The following LPCAT3 variants were observed in gnomAD, a reference collection of about 807,000 sequenced individuals.
LPCAT3 encodes the protein lysophospholipid acyltransferase 5.
A neutral mutation model predicts 63.4 loss-of-function variants in LPCAT3; 21 were observed. The observed-to-expected ratio is 0.33, with a 90% CI of 0.23 to 0.48. The LOEUF (loss-of-function observed/expected upper bound fraction) is 0.48, where lower values mean the gene tolerates loss of function less well. LPCAT3 is among the 20% of genes least tolerant of loss of function. The pLI is 0.99. For synonymous variants in LPCAT3, 242 were observed against 227.5 expected, an observed-to-expected ratio of 1.06 and a Z score of -0.58; for missense variants, 451 against 590.6, an observed-to-expected ratio of 0.76 and a Z score of 2.45.
intron 1 of LPCAT3, among the ~76,000 whole-genome samples, chr12:7,011,673 G>GA (rs1174169065): frequency 1.4e-5 from 2 of 143,244 alleles, no homozygotes; most frequent in African/African-American, 2.6e-5. Context: ...AAAAAAGAAA[G>GA]AAAGAAAAAG....
intron 3 of LPCAT3, 93 bp downstream of exon 3, chr12:6,982,583 G>T: frequency 2.2e-6 from 2 of 895,300 alleles, no homozygotes; most frequent in Non-Finnish European, 3.6e-6. Flanking sequence ...TAGAAATTAG[G>T]TCTGCTAATT....
In LPCAT3 at chr12:7,001,273, C is replaced by T. The variant is rs1044086759; in HGVS notation, c.151+17001G>A. 2.0e-5 allele frequency among the ~76,000 whole-genome samples: 3 copies of T among 152,050 alleles called. No homozygotes were observed. The East Asian group carries it at 5.8e-4, about 29-fold the overall frequency. On this transcript the variant is annotated intron_variant, in intron 1 of 12. Transcript: ENST00000261407. ...GGTGGGGGCGGGAGCTAGCAACGTG[C>T]TCACATGGTCATATATTTTTGTAAA...
chr12:6,992,922 T>C (rs924325323), intron 1 of LPCAT3, among the ~76,000 whole-genome samples: 5 of 152,226 alleles, frequency 3.3e-5, no homozygotes, highest in African/African-American at 1.2e-4. Context: ...TTACTCATAA[T>C]ACCTAATATA....
At chr12:6,983,592 G>T in intron 1 of LPCAT3, 53 bp from the exon 2 acceptor site, 1 of 1,204,702 alleles carries the variant, frequency 8.3e-7, no homozygotes, top group Non-Finnish European at 1.2e-6. Flanking sequence ...TGCCATCCCA[G>T]TTTGGTTTGG....
At chr12:6,996,850 A>G (rs1946639914) in intron 1 of LPCAT3, among the ~76,000 whole-genome samples, 1 of 152,220 alleles carries the variant, frequency 6.6e-6, no homozygotes. Context: ...AGAAGAGATG[A>G]CGGCATTCCA....
rs1555153470 is a variant in LPCAT3, at chr12:6,977,608, A to G, written c.1178T>C (p.Val393Ala). 1.9e-6 allele frequency: 3 copies of G among 1,614,152 alleles called. No homozygotes were observed. Among genetic ancestry groups the G allele is most frequent in the South Asian group, 2.2e-5 (2 of 91,078 alleles). ...CFQMEFLIVI[V>A]ERQAARLIQE... is the part of the protein sequence containing the mutation. ...ACCCTGGAGGCCTACCTGTCTTTCC[A>G]CAATAACAATGAGGAATTCCATCTG... The change falls in exon 10 of 13, where the codon GTG becomes GCG. Residue 393 changes from valine to alanine, a missense_variant. Val to Ala is a moderately conservative substitution (Grantham distance 64). Coordinates refer to ENST00000261407, the MANE Select transcript of LPCAT3 (RefSeq NM_005768.6). This position sits in a 1 kb window ranked among gnomAD's most constrained non-coding sequence, Gnocchi z 4.5.
At chr12:7,013,663 A>C (rs910016775) in intron 1 of LPCAT3, among the ~76,000 whole-genome samples, 1 of 152,154 alleles carries the variant, frequency 6.6e-6, no homozygotes, top group Non-Finnish European at 1.5e-5. Context: ...TACCTTTCAA[A>C]AGGTTCCGGT....
At chr12:7,014,100 T>A (rs1042952017) in intron 1 of LPCAT3, among the ~76,000 whole-genome samples, 4 of 152,240 alleles carry the variant, frequency 2.6e-5, no homozygotes, top group Admixed American at 6.5e-5. Context: ...ACCTTACTCA[T>A]CTTTAAATGA....
chr12:6,980,553 T>C (rs1244442123), intron 6 of LPCAT3, among the ~76,000 whole-genome samples: 1 of 151,016 alleles, frequency 6.6e-6, no homozygotes, highest in Non-Finnish European at 1.5e-5. Flanking sequence ...ACAGAGTCTC[T>C]CTATGTTGCC....
intron 2 of LPCAT3, 129 bp downstream of exon 2, chr12:6,983,303 C>T: frequency 1.5e-6 from 1 of 673,840 alleles, no homozygotes; most frequent in Non-Finnish European, 2.7e-6. Context: ...CCTCTTCATA[C>T]AACCCTCTTT....
At chr12:7,004,279 G>C (rs1555156733) in intron 1 of LPCAT3, among the ~76,000 whole-genome samples, 6 of 152,102 alleles carry the variant, frequency 3.9e-5, no homozygotes, top group Non-Finnish European at 8.8e-5. Flanking sequence ...AACAACAGCG[G>C]GTTACTCTCA....
Position 6,977,040 on chromosome 12 carries a change from A to G in LPCAT3, c.*12+94T>C. On this transcript the variant is annotated intron_variant, in intron 12 of 12. Coordinates refer to ENST00000261407, the MANE Select transcript of LPCAT3 (RefSeq NM_005768.6). This position sits in a 1 kb window ranked among gnomAD's most constrained non-coding sequence, Gnocchi z 4.5. ...CTTAGTAGCCAGGCTAATCCTTGGA[A>G]TTCACCCCAGATTTCTAATACTATT... 1.2e-6 allele frequency: 1 copy of G among 812,602 alleles called. No individual in the cohort carries two copies. The highest frequency in any genetic ancestry group is 2.1e-6 in the Non-Finnish European group (1 of 479,568). 50.3% of individuals were successfully genotyped at this position (812,602 alleles called of 1,614,324 possible).
chr12:6,987,942 C>A lies in LPCAT3; in HGVS notation c.152-4403G>T. On this transcript the variant is annotated intron_variant, in intron 1 of 12. Coordinates refer to ENST00000261407, the MANE Select transcript of LPCAT3 (RefSeq NM_005768.6). The surrounding 1 kb of genome is among the most constrained non-coding windows in gnomAD (Gnocchi z 4.1). ...CCTGTCTGTCCCTTTCCTTGCTACT[C>A]TGGGATCAACAGTCACCTCTTGAAC... The A allele has an allele frequency of 2.5e-6, 1 of 398,954 alleles. No homozygotes were observed. The highest frequency in any genetic ancestry group is 4.4e-6 in the Non-Finnish European group (1 of 225,418). The allele number at this position is 398,954 out of a possible 1,614,324, so 24.7% of individuals were successfully genotyped here.
intron 5 of LPCAT3, 172 bp downstream of exon 5, chr12:6,981,423 G>A: frequency 2.6e-6 from 2 of 759,870 alleles, no homozygotes; most frequent in Non-Finnish European, 4.5e-6. Flanking sequence ...GCTGGATCCT[G>A]GGCAAATTAG....
Position 7,009,314 on chromosome 12 carries a change from G to T in LPCAT3, c.151+8960C>A, listed in dbSNP as rs2138359664. Among the ~76,000 whole-genome samples, 4 of 152,312 alleles carry T rather than the reference G, an allele frequency of 2.6e-5. No individual in the cohort carries two copies. The East Asian group carries it at 7.7e-4, about 29-fold the overall frequency. On this transcript the variant is annotated intron_variant, in intron 1 of 12. Coordinates refer to ENST00000261407, the MANE Select transcript of LPCAT3 (RefSeq NM_005768.6). The stretch of plus-strand genomic sequence containing the variant: ...GACCTCAGGTGATCTGCCTGCCTCG[G>T]CCTCCCAAAGTGCTGGGATTACAGG...
intron 1 of LPCAT3, chr12:7,001,304 T>C (rs941021788): frequency 6.3e-5 from 25 of 396,144 alleles, no homozygotes; most frequent in African/African-American, 3.4e-4. Flanking sequence ...GTAAAACTTA[T>C]AGAAGATATT....
rs1565604813 is a variant in LPCAT3 at position 7,002,955 on chromosome 12, G to A, written c.151+15319C>T. ...AACTGGAAGGCAGAGGTTGCAGTGA[G>A]CTGAGATGGCACCACTGCACTCCAG... On this transcript the variant is annotated intron_variant, in intron 1 of 12. Transcript: ENST00000261407. 2.0e-5 allele frequency among the ~76,000 whole-genome samples: 3 copies of A among 152,154 alleles called. No homozygotes were observed. In the South Asian group the frequency reaches 6.2e-4, roughly 32 times the overall value.
intron 3 of LPCAT3, 52 bp downstream of exon 3, chr12:6,982,624 C>G (rs1169353587): frequency 7.3e-7 from 1 of 1,373,956 alleles, no homozygotes. Flanking sequence ...CTACCCCTGT[C>G]CCCTGAACCG....
At position 6,979,808 on chromosome 12, in the gene LPCAT3, C is replaced by G; in HGVS notation, c.678-229G>C. ...AAGAGTTGTAGGAAAGTCAGGGCAG[C>G]AGACAGTGGACCAGTCTTGTGTTTA... On this transcript the variant is annotated intron_variant, in intron 6 of 12. Coordinates refer to ENST00000261407, the MANE Select transcript of LPCAT3 (RefSeq NM_005768.6). 2.3e-5 allele frequency: 13 copies of G among 559,994 alleles called. 1 individual carries two copies. The South Asian group carries it at 2.7e-4, about 12-fold the overall frequency. The allele number at this position is 559,994 out of a possible 1,614,324, so 34.7% of individuals were successfully genotyped here. A position where few individuals can be genotyped will look rare whatever the true frequency, so the allele number is the denominator to read the frequency against.
Sources: allele counts gnomAD v4.1 joint callset (sites outside exome capture counted in the v4.1 genomes callset), GRCh38; gene constraint gnomAD v4.1.1; non-coding constraint Gnocchi (gnomAD v3.1); transcripts MANE v1.5; gene names NCBI Gene and HGNC (gene_info 2026-07-23, HGNC 2026-07-21).